The following KLF12 variants were observed in gnomAD, a reference collection of about 807,000 sequenced individuals.
KLF12 encodes KLF transcription factor 12, also known as Krueppel-like factor 12.
A neutral mutation model predicts 37.8 loss-of-function variants in KLF12; 9 were observed. The ratio of observed to expected loss-of-function variants is 0.24; its 90% CI spans 0.14 to 0.42. The LOEUF (loss-of-function observed/expected upper bound fraction) is 0.42. Ranked by LOEUF, KLF12 falls within the 10% of genes least tolerant of loss-of-function variation. The pLI is 1.00. For missense variants in KLF12, 411 were observed against 516.0 expected (o/e 0.80, Z 1.97); for synonymous variants, 208 against 202.1 (o/e 1.03, Z -0.25).
At chr13:73,740,435 A>G (rs976938203) in intron 6 of KLF12, among the ~76,000 whole-genome samples, 1 of 152,228 alleles carries the variant, frequency 6.6e-6, no homozygotes, top group African/African-American at 2.4e-5. Context: ...AAAGACTAAG[A>G]CACAGGGTAA....
intron 3 of KLF12, among the ~76,000 whole-genome samples, chr13:73,894,085 C>A (rs1337718197): frequency 6.6e-6 from 1 of 152,108 alleles, no homozygotes; most frequent in African/African-American, 2.4e-5. Context: ...TCCTGGATGC[C>A]CCACTCCTTT....
At position 73,955,837 on chromosome 13, in the gene KLF12, T is replaced by C. The variant is rs138027240; in HGVS notation, c.34-11767A>G. Among the ~76,000 whole-genome samples, 1,159 of 152,252 alleles carry C rather than the reference T, an allele frequency of 7.6e-3. 20 individuals are homozygous for C. Among genetic ancestry groups the C allele is most frequent in the African/African-American group, 0.027 (1,114 of 41,548 alleles). On this transcript the variant is annotated intron_variant, in intron 2 of 7. Transcript: ENST00000377669. The stretch of plus-strand genomic sequence containing the variant: ...GAAATAAGTTGCTAAATTTCAAAAT[T>C]AGCCTGCATTTAGGGCAATATGAAG...
intron 6 of KLF12, among the ~76,000 whole-genome samples, chr13:73,754,853 T>A (rs140580288): frequency 2.2e-3 from 334 of 152,342 alleles, no homozygotes; most frequent in Admixed American, 3.5e-3. Context: ...TCAAGAATTT[T>A]TGAGTATTCA....
chr13:74,190,453 A>G, the KLF12 span, among the ~76,000 whole-genome samples: 1 of 152,150 alleles, frequency 6.6e-6, no homozygotes, highest in Non-Finnish European at 1.5e-5. Flanking sequence ...ATTCTGTGCT[A>G]TAATTTAAGG....
At chr13:73,980,576 T>A (rs1246965177) in intron 2 of KLF12, among the ~76,000 whole-genome samples, 2 of 152,062 alleles carry the variant, frequency 1.3e-5, no homozygotes, top group Non-Finnish European at 2.9e-5. Context: ...AAATCTACCA[T>A]CTCAGAGAAA....
the KLF12 span, among the ~76,000 whole-genome samples, chr13:74,288,127 T>C: frequency 6.6e-6 from 1 of 151,694 alleles, no homozygotes. Context: ...AGAGTTCAGA[T>C]AAAAAGGGTC....
intron 1 of KLF12, among the ~76,000 whole-genome samples, chr13:74,116,430 T>C (rs779046820): frequency 4.6e-5 from 7 of 152,232 alleles, no homozygotes; most frequent in Non-Finnish European, 8.8e-5. Flanking sequence ...TTTACATGAA[T>C]GGTAGAAAGC....
chr13:73,716,747 CTTT>C (rs111769612), intron 6 of KLF12, among the ~76,000 whole-genome samples: 3 of 151,806 alleles, frequency 2.0e-5, no homozygotes, highest in Admixed American at 2.0e-4. Flanking sequence ...TGTTTTATTC[CTTT>C]TTTTAATTCA....
At chr13:74,175,820 T>A in the KLF12 span, among the ~76,000 whole-genome samples, 1 of 152,196 alleles carries the variant, frequency 6.6e-6, no homozygotes, top group Non-Finnish European at 1.5e-5. Flanking sequence ...TTCAAAGCAC[T>A]TGTCCCAGTG....
intron 7 of KLF12, among the ~76,000 whole-genome samples, chr13:73,700,317 TA>T (rs1014207782): frequency 2.6e-5 from 4 of 150,978 alleles, no homozygotes; most frequent in East Asian, 1.9e-4. Context: ...AAAATAATAA[TA>T]AAAAAATTTA....
At chr13:74,023,617 G>A (rs1170660475) in intron 1 of KLF12, among the ~76,000 whole-genome samples, 1 of 152,106 alleles carries the variant, frequency 6.6e-6, no homozygotes, top group East Asian at 1.9e-4. Context: ...GTGACATGGT[G>A]CTCTCCCTAT....
chr13:73,823,901 G>A (rs1399904637), intron 4 of KLF12, among the ~76,000 whole-genome samples: 1 of 151,886 alleles, frequency 6.6e-6, no homozygotes, highest in Admixed American at 6.6e-5. Context: ...GTAGAGACAG[G>A]GTTTCATCTT....
intron 2 of KLF12, among the ~76,000 whole-genome samples, chr13:73,948,085 T>C (rs1890508954): frequency 1.3e-5 from 2 of 152,232 alleles, no homozygotes; most frequent in Admixed American, 6.5e-5. Context: ...ACTTTAAATC[T>C]TCACGTTCAG....
At chr13:73,872,273 T>A (rs1886509100) in intron 3 of KLF12, among the ~76,000 whole-genome samples, 1 of 152,202 alleles carries the variant, frequency 6.6e-6, no homozygotes, top group African/African-American at 2.4e-5. Flanking sequence ...TCACCCTGGG[T>A]AAGCTGATTT....
chr13:74,248,508 C>T, the KLF12 span, among the ~76,000 whole-genome samples: 1 of 152,292 alleles, frequency 6.6e-6, no homozygotes, highest in East Asian at 1.9e-4. Flanking sequence ...CCTTCATCAA[C>T]TAATATAATT....
chr13:73,701,656 T>C (rs1874563612), intron 7 of KLF12, among the ~76,000 whole-genome samples: 1 of 152,198 alleles, frequency 6.6e-6, no homozygotes, highest in Non-Finnish European at 1.5e-5. Context: ...GTTTTTAAGT[T>C]GAGACATTAC....
Position 73,687,935 on chromosome 13 carries a change from T to G in KLF12, c.*7555A>C, listed in dbSNP as rs2137505033. On this transcript the variant is annotated 3_prime_UTR_variant, in exon 8 of 8. Transcript: ENST00000377669. ...TCAACTCACTTCAAGTTGTGGTTTT[T>G]GTTGTGGAGAAATTATTGCTTGTGA... 1 of 152,326 alleles carries G rather than the reference T, an allele frequency of 6.6e-6. No homozygotes were observed. The highest frequency in any genetic ancestry group is 1.9e-4 in the East Asian group (1 of 5,182). The allele number at this position is 152,326 out of a possible 1,614,324, so 9.4% of individuals were successfully genotyped here.
the KLF12 span, among the ~76,000 whole-genome samples, chr13:74,143,101 T>TCTC: frequency 8.7e-5 from 13 of 149,874 alleles, no homozygotes; most frequent in East Asian, 1.6e-3. Context: ...TTCTTCTTGT[T>TCTC]CTCCTCCTCC....
At chr13:74,193,609 T>C in the KLF12 span, among the ~76,000 whole-genome samples, 2 of 152,186 alleles carry the variant, frequency 1.3e-5, no homozygotes, top group Non-Finnish European at 2.9e-5. Context: ...TGTTCCAATT[T>C]CCTCCAAGCC....
Sources: gnomAD v4.1 joint callset for allele counts (sites outside exome capture counted in the v4.1 genomes callset) on GRCh38, gnomAD v4.1.1 for gene constraint, MANE v1.5 for transcripts, NCBI Gene and HGNC (gene_info 2026-07-23, HGNC 2026-07-21) for gene names.